The following ADD3 variants were observed in gnomAD, a reference collection of about 807,000 sequenced individuals.
ADD3 encodes adducin 3.
Under a neutral mutation model 80.2 loss-of-function variants are expected in ADD3, and 25 were observed. The ratio of observed to expected loss-of-function variants is 0.31; its 90% CI spans 0.23 to 0.44. The LOEUF (loss-of-function observed/expected upper bound fraction) is 0.44. Among genes scored for constraint, ADD3 ranks in the 20% least tolerant of loss-of-function variants. The pLI, the probability that ADD3 is intolerant of heterozygous loss-of-function variation, is 1.00. For synonymous variants in ADD3, 284 were observed against 289.6 expected, an observed-to-expected ratio of 0.98 and a Z score of 0.20; for missense variants, 829 against 847.5, an observed-to-expected ratio of 0.98 and a Z score of 0.27.
At chr10:110,004,162 G>C (rs532907375), upstream of ADD3, among the ~76,000 whole-genome samples, 9 of 151,866 alleles carry the variant, frequency 5.9e-5, no homozygotes, top group East Asian at 1.8e-3. Flanking sequence ...TCCTTGCAGA[G>C]AAGCAAGGAA....
chr10:110,020,508 A>T (rs958428377), intron 1 of ADD3, among the ~76,000 whole-genome samples: 14 of 151,204 alleles, frequency 9.3e-5, no homozygotes, highest in African/African-American at 3.4e-4. Context: ...AGGCAGAGGA[A>T]ACAAGCCAAA....
At chr10:110,000,592 C>T (rs563400753) in intron 1 of ADD3, among the ~76,000 whole-genome samples, 4 of 152,264 alleles carry the variant, frequency 2.6e-5, no homozygotes, top group African/African-American at 9.6e-5. Flanking sequence ...TTTATAAACT[C>T]CACTTTTGCA....
chr10:110,107,002 G>A (rs776059780), intron 2 of ADD3, among the ~76,000 whole-genome samples: 3 of 152,038 alleles, frequency 2.0e-5, no homozygotes, highest in East Asian at 1.9e-4. Flanking sequence ...TATTTGCTAC[G>A]TTAACTGGGT....
chr10:110,108,214 C>T (rs190281464), intron 2 of ADD3, among the ~76,000 whole-genome samples: 33 of 152,236 alleles, frequency 2.2e-4, no homozygotes, highest in African/African-American at 7.9e-4. Context: ...CCAGGATCAC[C>T]ATAATCTGCC....
intron 1 of ADD3, among the ~76,000 whole-genome samples, chr10:110,080,303 T>A (rs1845925638): frequency 6.6e-6 from 1 of 152,218 alleles, no homozygotes; most frequent in Non-Finnish European, 1.5e-5. Context: ...TTGAAATAGA[T>A]GAGTTTTAAT....
upstream of ADD3, among the ~76,000 whole-genome samples, chr10:110,006,388 T>G (rs1246744152): frequency 1.3e-5 from 2 of 152,206 alleles, no homozygotes; most frequent in Non-Finnish European, 2.9e-5. Flanking sequence ...CATGCAAAGC[T>G]TTTCATTTTT....
At chr10:110,108,030 G>T (rs1317782563) in intron 2 of ADD3, among the ~76,000 whole-genome samples, 1 of 152,124 alleles carries the variant, frequency 6.6e-6, no homozygotes, top group African/African-American at 2.4e-5. Flanking sequence ...ATGGTTTTGT[G>T]TATATGTTGT....
intron 2 of ADD3, among the ~76,000 whole-genome samples, chr10:110,110,113 C>T (rs1849820485): frequency 6.6e-6 from 1 of 152,220 alleles, no homozygotes; most frequent in South Asian, 2.1e-4. Flanking sequence ...GCTCCATGAA[C>T]TTAGGATTCA....
intron 1 of ADD3, among the ~76,000 whole-genome samples, chr10:110,024,521 C>T (rs1854055306): frequency 6.6e-6 from 1 of 152,106 alleles, no homozygotes; most frequent in South Asian, 2.1e-4. Flanking sequence ...TTTGTAGCTC[C>T]TTGTAATAAG....
At chr10:110,122,002 C>A in intron 8 of ADD3, 108 bp from the exon 9 acceptor site, 1 of 892,384 alleles carries the variant, frequency 1.1e-6, no homozygotes, top group Non-Finnish European at 1.7e-6. Flanking sequence ...GTAGCCTGAG[C>A]AAGTATTATA....
intron 1 of ADD3, among the ~76,000 whole-genome samples, chr10:110,081,377 C>A (rs1014935528): frequency 6.6e-6 from 1 of 152,216 alleles, no homozygotes; most frequent in African/African-American, 2.4e-5. Flanking sequence ...TCTAAAATGA[C>A]AACTGCTCCT....
rs1438776458 is a variant in ADD3 at position 110,134,927 on chromosome 10, CCTTT to C, written c.*1314_*1317del. ...AGATTTAAAAAAATCTTTTCAGTGA[CCTTT>C]CTTTTTAATGTAAATACAAATTTAA... On this transcript the variant is annotated 3_prime_UTR_variant, in exon 15 of 15. Transcript: ENST00000356080. The C allele has an allele frequency of 6.6e-6, 1 of 152,438 alleles. No individual in the cohort carries two copies. Among genetic ancestry groups the C allele is most frequent in the African/African-American group, 2.4e-5 (1 of 41,440 alleles). The allele number at this position is 152,438 out of a possible 1,614,324, so 9.4% of individuals were successfully genotyped here.
At chr10:110,108,878 T>A (rs547914590) in intron 2 of ADD3, among the ~76,000 whole-genome samples, 9 of 152,004 alleles carry the variant, frequency 5.9e-5, no homozygotes, top group South Asian at 4.1e-4. Flanking sequence ...TGAAAAAAAA[T>A]TTTTTTTATA....
At chr10:110,099,241 A>T (rs1037478445) in intron 1 of ADD3, among the ~76,000 whole-genome samples, 1 of 144,026 alleles carries the variant, frequency 6.9e-6, no homozygotes, top group Non-Finnish European at 1.6e-5. Flanking sequence ...AACTCTATTT[A>T]AAAAAAAAAA....
intron 1 of ADD3, among the ~76,000 whole-genome samples, chr10:110,029,167 C>G (rs1011901523): frequency 6.6e-6 from 1 of 152,222 alleles, no homozygotes; most frequent in African/African-American, 2.4e-5. Context: ...GCGTGAGCCA[C>G]CGTGCCTGGC....
chr10:110,034,177 G>T (rs186971892), intron 1 of ADD3, among the ~76,000 whole-genome samples: 106 of 151,982 alleles, frequency 7.0e-4, no homozygotes, highest in South Asian at 1.5e-3. Flanking sequence ...TTATTTTTTT[G>T]ATTACATTTT....
intron 1 of ADD3, among the ~76,000 whole-genome samples, chr10:110,076,397 A>G (rs746748727): frequency 2.6e-5 from 4 of 152,210 alleles, no homozygotes; most frequent in African/African-American, 4.8e-5. Flanking sequence ...AAAATTTTTT[A>G]AAGTATGGTA....
chr10:110,043,948 C>T (rs901396884), intron 1 of ADD3, among the ~76,000 whole-genome samples: 1 of 152,150 alleles, frequency 6.6e-6, no homozygotes, highest in Non-Finnish European at 1.5e-5. Context: ...GTGGCTCACG[C>T]CTGTAATCCC....
intron 1 of ADD3, among the ~76,000 whole-genome samples, chr10:110,094,313 GA>G (rs1847901524): frequency 6.6e-6 from 1 of 152,020 alleles, no homozygotes; most frequent in African/African-American, 2.4e-5. Flanking sequence ...TCATTATTAT[GA>G]TTTTATAATA....
Sources: allele counts gnomAD v4.1 joint callset (sites outside exome capture counted in the v4.1 genomes callset), GRCh38; gene constraint gnomAD v4.1.1; transcripts MANE v1.5; gene names NCBI Gene and HGNC (gene_info 2026-07-23, HGNC 2026-07-21).